CACNA1A: variants seen among roughly 807,000 people sequenced by gnomAD.
CACNA1A encodes the protein voltage-dependent P/Q-type calcium channel subunit alpha-1A.
In CACNA1A, 57 loss-of-function variants were observed where a neutral mutation model predicts 262.4. The ratio of observed to expected loss-of-function variants is 0.22; its 90% confidence interval spans 0.18 to 0.27. The LOEUF is 0.27. Ranked by LOEUF, CACNA1A falls within the 10% of genes least tolerant of loss-of-function variation. CACNA1A has a pLI of 1.00. For missense variants in CACNA1A, 2,526 were observed against 3,562.8 expected (o/e 0.71, Z 7.41); for synonymous variants, 1,431 against 1,419.3 (o/e 1.01, Z -0.18).
intron 1 of CACNA1A, among the ~76,000 whole-genome samples, chr19:13,481,135 C>T (rs1862259): frequency 0.16 from 23,933 of 152,118 alleles, 3,095 homozygotes; most frequent in East Asian, 0.56. Flanking sequence ...AGCGAGGTGC[C>T]TGGCATATTG....
At chr19:13,440,949 G>A (rs2060708445) in intron 3 of CACNA1A, among the ~76,000 whole-genome samples, 1 of 152,144 alleles carries the variant, frequency 6.6e-6, no homozygotes, top group Non-Finnish European at 1.5e-5. Flanking sequence ...GGAATTACAG[G>A]CACACACTAT....
intron 46 of CACNA1A, 37 bp from the exon 47 acceptor site, chr19:13,208,090 A>G: frequency 8.0e-7 from 1 of 1,250,048 alleles, no homozygotes; most frequent in Non-Finnish European, 1.0e-6. Flanking sequence ...TCAAAAAAAA[A>G]GATACAACAA....
At chr19:13,210,809 G>A (rs1568421773) in intron 43 of CACNA1A, 157 bp from the exon 44 acceptor site, 3 of 812,140 alleles carry the variant, frequency 3.7e-6, no homozygotes, top group Admixed American at 2.2e-5. Flanking sequence ...AAGGCAGGGA[G>A]GAAAAGAAAA....
chr19:13,272,707 A>G (rs2144818644), intron 24 of CACNA1A: 1 of 150,288 alleles, frequency 6.7e-6, no homozygotes, highest in South Asian at 2.2e-4. Context: ...AGAGAGAGGG[A>G]AGAGAGGGGA....
At chr19:13,385,948 G>C (rs1268685560) in intron 3 of CACNA1A, among the ~76,000 whole-genome samples, 1 of 151,950 alleles carries the variant, frequency 6.6e-6, no homozygotes, top group Non-Finnish European at 1.5e-5. Context: ...TTTGAGCTCA[G>C]GAGTTCAAGA....
At chr19:13,416,065 A>G (rs1045463246) in intron 3 of CACNA1A, among the ~76,000 whole-genome samples, 1 of 152,194 alleles carries the variant, frequency 6.6e-6, no homozygotes, top group Non-Finnish European at 1.5e-5. Flanking sequence ...AAGCACTTGA[A>G]GTGCAGCCTG....
chr19:13,270,803 C>T (rs909243042), intron 24 of CACNA1A, among the ~76,000 whole-genome samples: 7 of 152,124 alleles, frequency 4.6e-5, no homozygotes, highest in East Asian at 1.9e-4. Flanking sequence ...CTCATCCCTT[C>T]GGCCATGATA....
chr19:13,251,589 A>C (rs550707347), intron 30 of CACNA1A, among the ~76,000 whole-genome samples: 1 of 152,328 alleles, frequency 6.6e-6, no homozygotes, highest in Admixed American at 6.5e-5. Context: ...TTAAATGTTA[A>C]GGTATCTGCA....
intron 6 of CACNA1A, among the ~76,000 whole-genome samples, chr19:13,357,825 G>A (rs1187758808): frequency 1.3e-5 from 2 of 151,926 alleles, no homozygotes; most frequent in African/African-American, 4.8e-5. Flanking sequence ...GAAACATAGT[G>A]AGACCCCATC....
Position 13,303,824 on chromosome 19 carries a change from C to T in CACNA1A, c.2047G>A (p.Val683Met), listed in dbSNP as rs2057841622. ...MYDGIKSQGG[V>M]QGGMVFSIYF... ...ATGGAGAACACCATGCCGCCCTGCACGCCCCCCTGAGACTTGATCCCGTCG... is the reference window on the plus strand; with the variant it reads ...ATGGAGAACACCATGCCGCCCTGCATGCCCCCCTGAGACTTGATCCCGTCG... The change falls in exon 16 of 47, where the codon GTG becomes ATG. Residue 683 changes from valine (V) to methionine (M), a missense_variant. Physicochemically the swap from Val to Met is conservative, Grantham distance 21 (BLOSUM62 1). Transcript: ENST00000360228. 3 of 1,613,682 alleles carry T rather than the reference C, an allele frequency of 1.9e-6. No homozygotes were observed. The highest frequency in any genetic ancestry group is 2.5e-6 in the Non-Finnish European group (3 of 1,179,708).
In CACNA1A at chr19:13,320,590, C is replaced by T. The variant is rs370603705; in HGVS notation, c.1346-3269G>A. On this transcript the variant is annotated intron_variant, in intron 10 of 46. Coordinates refer to ENST00000360228, the MANE Select transcript of CACNA1A (RefSeq NM_001127222.2). ...ACTCAGCCTGAAGACACATTCCCCA[C>T]GACAGGCATACCCTTCACTGGTAAG... 5.8e-3 allele frequency among the ~76,000 whole-genome samples: 887 copies of T among 152,232 alleles called. 6 individuals carry two copies. Among genetic ancestry groups the T allele is most frequent in the African/African-American group, 0.02 (833 of 41,526 alleles).
rs1309216785 is a variant in CACNA1A at position 13,303,624 on chromosome 19, C to G, written c.2105-11G>C. 2 of 1,611,876 alleles carry G rather than the reference C, an allele frequency of 1.2e-6. No homozygotes were observed. Among genetic ancestry groups the G allele is most frequent in the Admixed American group, 3.4e-5 (2 of 59,608 alleles). ...CATTCAGGAGGGTGTCTGCAAATGT[C>G]TGAGTCAGGAAAAGCAACCACTGGT... On this transcript the variant is annotated splice_polypyrimidine_tract_variant and intron_variant, in intron 16 of 46. Transcript: ENST00000360228.
Position 13,259,632 on chromosome 19 carries a change from G to A in CACNA1A, c.4320C>T (p.Phe1440=), listed in dbSNP as rs2056674782. Residue 1440 remains phenylalanine, a synonymous_variant, in exon 27 of 47, where the codon TTC becomes TTT. Transcript: ENST00000360228. ...ARDREWKKYE[F]HYDNVLWALL... ...GAGCCCACAGCACATTGTCGTAATG[G>A]AATTCATACTTCTTCCACTCCCGGT... 4 of 1,610,898 alleles carry A rather than the reference G, an allele frequency of 2.5e-6. No homozygotes were observed. Among genetic ancestry groups the A allele is most frequent in the Non-Finnish European group, 3.4e-6 (4 of 1,178,614 alleles).
intron 3 of CACNA1A, among the ~76,000 whole-genome samples, chr19:13,441,998 C>T (rs536097550): frequency 6.6e-6 from 1 of 152,314 alleles, no homozygotes; most frequent in African/African-American, 2.4e-5. Context: ...TACTCAGTCC[C>T]TCTCCACCCC....
At chr19:13,452,700 G>A in intron 3 of CACNA1A, 176 bp downstream of exon 3, 1 of 606,674 alleles carries the variant, frequency 1.6e-6, no homozygotes, top group Admixed American at 2.6e-5. Flanking sequence ...AGCATCTGCT[G>A]TAATATACAG....
intron 1 of CACNA1A, among the ~76,000 whole-genome samples, chr19:13,490,663 G>A (rs74873839): frequency 0.03 from 3,575 of 119,970 alleles, 90 homozygotes; most frequent in African/African-American, 0.072. Context: ...GGAGAAAGAA[G>A]GAAAGAAAGA....
At chr19:13,224,180 C>T (rs907588335) in intron 38 of CACNA1A, among the ~76,000 whole-genome samples, 2 of 151,848 alleles carry the variant, frequency 1.3e-5, no homozygotes, top group African/African-American at 2.4e-5. Context: ...AAAAATTAGC[C>T]GGGTGTGCTG....
chr19:13,248,195 C>T (rs531189917), intron 30 of CACNA1A, among the ~76,000 whole-genome samples: 2 of 152,064 alleles, frequency 1.3e-5, no homozygotes, highest in Admixed American at 6.6e-5. Context: ...ACTTTATAGG[C>T]GTTTGGTCAC....
intron 15 of CACNA1A, among the ~76,000 whole-genome samples, chr19:13,305,801 C>T (rs4555277): frequency 0.37 from 55,886 of 151,924 alleles, 10,783 homozygotes; most frequent in Middle Eastern, 0.52. Context: ...GTGGCTCATG[C>T]CTGTAATCCC....
Sources: allele counts gnomAD v4.1 joint callset (sites outside exome capture counted in the v4.1 genomes callset), GRCh38; gene constraint gnomAD v4.1.1; transcripts MANE v1.5; gene names NCBI Gene and HGNC (gene_info 2026-07-23, HGNC 2026-07-21).